The following DAP variants were observed in gnomAD, a reference collection of about 807,000 sequenced individuals.
DAP encodes the protein death associated protein.
Under a neutral mutation model 13.8 loss-of-function variants are expected in DAP, and 8 were observed. The observed-to-expected ratio is 0.58, with a 90% confidence interval of 0.34 to 1.05. The LOEUF (loss-of-function observed/expected upper bound fraction) is 1.05, where lower values mean the gene tolerates loss of function less well. Ranked by LOEUF, DAP falls within the 50% of genes least tolerant of loss-of-function variation. The probability of loss-of-function intolerance (pLI) is 0.03; values close to 1 mark genes in which losing one functional copy is unlikely to be tolerated. For synonymous variants in DAP, 47 were observed against 47.5 expected (o/e 0.99, Z 0.04); for missense variants, 106 against 133.2 (o/e 0.80, Z 1.01).
chr5:10,705,750 C>T (rs1394354824), intron 2 of DAP, among the ~76,000 whole-genome samples: 1 of 152,182 alleles, frequency 6.6e-6, no homozygotes, highest in Non-Finnish European at 1.5e-5. Flanking sequence ...AAGGTGCAGT[C>T]ATACCTTTGA....
chr5:10,679,532 C>G lies in DAP; in HGVS notation c.*1524G>C, dbSNP rs766078856. On this transcript the variant is annotated 3_prime_UTR_variant, in exon 4 of 4. Transcript: ENST00000230895. ...CCTGGGTGCTGCTCCGAAAGGCAGG[C>G]TGGGAGGTGCTTGCTGGGGTGTTCC... 1 of 152,482 alleles carries G rather than the reference C, an allele frequency of 6.6e-6. No homozygotes were observed. The highest frequency in any genetic ancestry group is 2.4e-5 in the African/African-American group (1 of 41,440). The allele number at this position is 152,482 out of a possible 1,614,324, so 9.4% of individuals were successfully genotyped here. A position where few individuals can be genotyped will look rare whatever the true frequency, so the allele number is the denominator to read the frequency against.
intron 2 of DAP, among the ~76,000 whole-genome samples, chr5:10,684,575 C>T (rs1738110078): frequency 6.6e-6 from 1 of 152,218 alleles, no homozygotes; most frequent in South Asian, 2.1e-4. Flanking sequence ...CCAGGCTTTC[C>T]TTCTATGGAC....
rs1272191701 is a variant in DAP at position 10,683,562 on chromosome 5, T to C, written c.162A>G (p.Lys54=). The C allele has an allele frequency of 6.2e-7, 1 of 1,612,486 alleles. No individual in the cohort carries two copies. Among genetic ancestry groups the C allele is most frequent in the South Asian group, 1.1e-5 (1 of 90,944 alleles). ...TGACCCCAGAGATGAACACAGTGGG[T>C]TTAGGTGGACTGGAAAAAAAGAAGG... ...DQEWESPSPP[K]PTVFISGVIA... is the part of the protein sequence containing the mutation. Residue 54 remains lysine (K), a synonymous_variant, in exon 3 of 4, where the codon AAA becomes AAG. Transcript: ENST00000230895.
At chr5:10,759,820 T>C (rs1740294484) in intron 1 of DAP, among the ~76,000 whole-genome samples, 1 of 139,076 alleles carries the variant, frequency 7.2e-6, no homozygotes, top group Non-Finnish European at 1.5e-5. Flanking sequence ...TTTGGCTCAA[T>C]CTTGGCTCAC....
chr5:10,708,242 C>T (rs3756409), intron 2 of DAP, among the ~76,000 whole-genome samples: 4 of 152,052 alleles, frequency 2.6e-5, no homozygotes, highest in South Asian at 2.1e-4. Context: ...TCAGTATGAC[C>T]CACAATAAAA....
chr5:10,734,761 T>C (rs1048632591), intron 2 of DAP, among the ~76,000 whole-genome samples: 2 of 152,252 alleles, frequency 1.3e-5, no homozygotes, highest in Admixed American at 1.3e-4. Flanking sequence ...TGGGCCATGA[T>C]GAATTAATCC....
At chr5:10,754,466 A>G (rs922838374) in intron 1 of DAP, among the ~76,000 whole-genome samples, 1 of 152,208 alleles carries the variant, frequency 6.6e-6, no homozygotes, top group Non-Finnish European at 1.5e-5. Context: ...AGGCTCTTAA[A>G]TTACACGGAG....
chr5:10,721,595 G>T (rs961766709), intron 2 of DAP, among the ~76,000 whole-genome samples: 2 of 152,190 alleles, frequency 1.3e-5, no homozygotes, highest in Non-Finnish European at 2.9e-5. Flanking sequence ...CATTGCCTGT[G>T]ATTAAGGTCG....
At chr5:10,708,128 T>C (rs939989927) in intron 2 of DAP, among the ~76,000 whole-genome samples, 1 of 152,220 alleles carries the variant, frequency 6.6e-6, no homozygotes, top group Admixed American at 6.5e-5. Context: ...GAATATAAAC[T>C]GAAATGACCA....
intron 1 of DAP, among the ~76,000 whole-genome samples, chr5:10,752,925 A>C (rs1172533828): frequency 6.6e-6 from 1 of 152,228 alleles, no homozygotes; most frequent in Non-Finnish European, 1.5e-5. Flanking sequence ...TTAGTACTCA[A>C]GAGAGGCCTC....
At chr5:10,714,191 C>T (rs377091959) in intron 2 of DAP, among the ~76,000 whole-genome samples, 1 of 152,200 alleles carries the variant, frequency 6.6e-6, no homozygotes, top group Non-Finnish European at 1.5e-5. Flanking sequence ...CACCCATGAA[C>T]TAGGCTGGGG....
Position 10,740,598 on chromosome 5 carries a change from G to A in DAP, c.152+7577C>T, listed in dbSNP as rs1241884061. On this transcript the variant is annotated intron_variant, in intron 2 of 3. Coordinates refer to ENST00000230895, the MANE Select transcript of DAP (RefSeq NM_004394.3). ...TGACAAGAATTATGGCTGACTTCTC[G>A]CTGTACACAATGGAAGCCAGAAAAA... is the stretch of plus-strand genomic sequence containing the variant. 3.3e-5 allele frequency among the ~76,000 whole-genome samples: 5 copies of A among 152,096 alleles called. No individual in the cohort carries two copies. The South Asian group carries it at 6.2e-4, about 19-fold the overall frequency.
At chr5:10,708,738 T>C (rs1402448463) in intron 2 of DAP, among the ~76,000 whole-genome samples, 1 of 152,240 alleles carries the variant, frequency 6.6e-6, no homozygotes, top group African/African-American at 2.4e-5. Flanking sequence ...ACTCCTACAC[T>C]GCAGGCCCAT....
In DAP at chr5:10,749,590, G is replaced by T. The variant is rs1179262170; in HGVS notation, c.56-1319C>A. 2.6e-5 allele frequency among the ~76,000 whole-genome samples: 4 copies of T among 152,142 alleles called. No homozygotes were observed. In the East Asian group the frequency reaches 5.8e-4, roughly 22 times the overall value. ...GTGTTGTAAGGGGTCGGGTAATCTA[G>T]CATCTATTAAGAGTGGGAAATGCCA... is the stretch of plus-strand genomic sequence containing the variant. On this transcript the variant is annotated intron_variant, in intron 1 of 3. Coordinates refer to ENST00000230895, the MANE Select transcript of DAP (RefSeq NM_004394.3).
At chr5:10,698,550 A>T (rs1387007718) in intron 2 of DAP, among the ~76,000 whole-genome samples, 1 of 152,188 alleles carries the variant, frequency 6.6e-6, no homozygotes, top group Non-Finnish European at 1.5e-5. Flanking sequence ...GCCACTAATT[A>T]AAGTCTTCAC....
intron 1 of DAP, among the ~76,000 whole-genome samples, chr5:10,751,010 C>T (rs1024261711): frequency 2.0e-5 from 3 of 152,222 alleles, no homozygotes; most frequent in Admixed American, 6.5e-5. Context: ...TTTACAAATT[C>T]TCAAGGAGAC....
At chr5:10,753,413 T>C (rs1740095366) in intron 1 of DAP, among the ~76,000 whole-genome samples, 1 of 152,204 alleles carries the variant, frequency 6.6e-6, no homozygotes, top group Non-Finnish European at 1.5e-5. Flanking sequence ...GTTATTACAC[T>C]ACCTAGATAA....
At chr5:10,745,436 C>G (rs534580271) in intron 2 of DAP, among the ~76,000 whole-genome samples, 2 of 152,250 alleles carry the variant, frequency 1.3e-5, no homozygotes, top group South Asian at 4.1e-4. Context: ...CAAACCATAC[C>G]CTGCAGTCGG....
chr5:10,746,322 G>T (rs145867184), intron 2 of DAP, among the ~76,000 whole-genome samples: 2 of 138,552 alleles, frequency 1.4e-5, no homozygotes, highest in African/African-American at 5.5e-5. Flanking sequence ...TAATTCTAGC[G>T]TTTTTTTTTT....
Sources: allele counts gnomAD v4.1 joint callset (sites outside exome capture counted in the v4.1 genomes callset), GRCh38; gene constraint gnomAD v4.1.1; transcripts MANE v1.5; gene names NCBI Gene and HGNC (gene_info 2026-07-23, HGNC 2026-07-21).